Variants in GUSB observed in about 807,000 individuals in gnomAD.
GUSB encodes the protein glucuronidase beta.
A neutral mutation model predicts 74.6 loss-of-function variants in GUSB; 51 were observed. The ratio of observed to expected loss-of-function variants is 0.68; its 90% CI spans 0.55 to 0.86. The LOEUF is 0.86. Ranked by LOEUF, GUSB falls within the 40% of genes least tolerant of loss-of-function variation. The pLI is 0.00. For missense variants in GUSB, 736 were observed against 853.7 expected (o/e 0.86, Z 1.72); for synonymous variants, 360 against 348.3 (o/e 1.03, Z -0.37).
rs1204480020 is a variant in GUSB, at chr7:65,981,192, T to C, written c.210+782A>G. Among the ~76,000 whole-genome samples, 6 of 149,534 alleles carry C rather than the reference T, an allele frequency of 4.0e-5. No homozygotes were observed. In the East Asian group the frequency reaches 1.2e-3, roughly 29 times the overall value. On this transcript the variant is annotated intron_variant, in intron 1 of 11. Transcript: ENST00000304895. ...GTTCGAGACCACCCTGGGTAAATAG[T>C]GACACCCTGTATCTTTTTTTTTTTT... is the stretch of plus-strand genomic sequence containing the variant.
Position 65,968,113 on chromosome 7 carries a change from C to T in GUSB, c.1477-206G>A, listed in dbSNP as rs373733613. Among the ~76,000 whole-genome samples, 93 of 151,310 alleles carry T rather than the reference C, an allele frequency of 6.1e-4. 1 individual carries two copies. Among genetic ancestry groups the T allele is most frequent in the African/African-American group, 2.2e-3 (92 of 41,148 alleles). On this transcript the variant is annotated intron_variant, in intron 9 of 11. Coordinates refer to ENST00000304895, the MANE Select transcript of GUSB (RefSeq NM_000181.4). Reference sequence around the variant, plus strand: ...CAAAAAATAGTAGTAAGAAAATTAGCAGGGCACGGTGGCTCATGCCTGTAA... The same window carrying T: ...CAAAAAATAGTAGTAAGAAAATTAGTAGGGCACGGTGGCTCATGCCTGTAA...
At chr7:65,980,541 T>C in intron 1 of GUSB, 132 bp from the exon 2 acceptor site, 1 of 842,022 alleles carries the variant, frequency 1.2e-6, no homozygotes. Context: ...AAAGGACAGA[T>C]AACTTGCTGA....
chr7:65,976,953 G>C (rs1171310385), intron 4 of GUSB, among the ~76,000 whole-genome samples: 1 of 151,872 alleles, frequency 6.6e-6, no homozygotes, highest in Admixed American at 6.6e-5. Flanking sequence ...GCCAACCACG[G>C]CACTGAGACA....
intron 1 of GUSB, among the ~76,000 whole-genome samples, chr7:65,981,127 C>T (rs1435229290): frequency 6.6e-6 from 1 of 151,726 alleles, no homozygotes; most frequent in Admixed American, 6.6e-5. Context: ...GTAATCAGCG[C>T]TTTGGGAGGT....
At chr7:65,963,550 C>G (rs1410885777) in intron 11 of GUSB, among the ~76,000 whole-genome samples, 2 of 152,048 alleles carry the variant, frequency 1.3e-5, no homozygotes. Context: ...CTTTGAAGAC[C>G]AATCTTGTGT....
Position 65,980,534 on chromosome 7 carries a change from G to C in GUSB, c.211-125C>G, listed in dbSNP as rs947690365. 4.5e-6 allele frequency: 4 copies of C among 891,648 alleles called. No homozygotes were observed. In the East Asian group the frequency reaches 1.1e-4, roughly 24 times the overall value. 55.2% of individuals were successfully genotyped at this position (891,648 alleles called of 1,614,324 possible). On this transcript the variant is annotated intron_variant, in intron 1 of 11. Coordinates refer to ENST00000304895, the MANE Select transcript of GUSB (RefSeq NM_000181.4). ...ACATAGCGGGGATTCTTGGCAGAAA[G>C]GACAGATAACTTGCTGATGACAGGT...
In GUSB at chr7:65,980,140, A is replaced by G. The variant is rs1399737713; in HGVS notation, c.396+84T>C. On this transcript the variant is annotated intron_variant, in intron 2 of 11. Transcript: ENST00000304895. The stretch of plus-strand genomic sequence containing the variant: ...CCCCCACCATCCCACCCCAGCATAC[A>G]TGCCGTGGGTGGCAGCTGGAGGTCC... 3.8e-6 allele frequency: 5 copies of G among 1,326,166 alleles called. No homozygotes were observed. In the South Asian group the frequency reaches 3.8e-5, roughly 10 times the overall value. The allele number at this position is 1,326,166 out of a possible 1,614,324, so 82.1% of individuals were successfully genotyped here. A position where few individuals can be genotyped will look rare whatever the true frequency, so the allele number is the denominator to read the frequency against.
At chr7:65,974,729 C>A in intron 6 of GUSB, 25 bp from the exon 7 acceptor site, 1 of 1,611,368 alleles carries the variant, frequency 6.2e-7, no homozygotes, top group African/African-American at 1.3e-5. Context: ...AGCCAAGTGA[C>A]CCCTGTCCCT....
chr7:65,969,699 C>T (rs1425520657), intron 9 of GUSB, among the ~76,000 whole-genome samples: 1 of 151,974 alleles, frequency 6.6e-6, no homozygotes, highest in African/African-American at 2.4e-5. Context: ...CTTGCCTCTA[C>T]AAAAGAAAAA....
At chr7:65,980,184 T>TCCCCCCCCCCCCCC in intron 2 of GUSB, 40 bp downstream of exon 2, 6 of 720,098 alleles carry the variant, frequency 8.3e-6, no homozygotes, top group Admixed American at 2.1e-5. Flanking sequence ...TCAGCAGCCG[T>TCCCCCCCCCCCCCC]GCCCCCCCAC....
rs1189173802 is a variant in GUSB, at chr7:65,974,995, G to C, written c.989C>G (p.Ala330Gly). Residue 330 changes from alanine to glycine, a missense_variant, in exon 6 of 12, where the codon GCT (alanine) becomes GGT (glycine). By Grantham distance (60) the Ala-to-Gly change is moderately conservative. Around this residue, in one of 2 missense-constraint regions of GUSB, gnomAD observed 368 missense variants for 489.9 expected, o/e 0.75. Transcript: ENST00000304895. ...GATGAGGAACTGGCTCTTGGTGACA[G>C]CCACAGTGCGGATCCCCACAGGGAG... ...YTLPVGIRTV[A>G]VTKSQFLING... 6.2e-7 allele frequency: 1 copy of C among 1,613,006 alleles called. No individual in the cohort carries two copies. Among genetic ancestry groups the C allele is most frequent in the Non-Finnish European group, 8.5e-7 (1 of 1,179,096 alleles).
intron 8 of GUSB, among the ~76,000 whole-genome samples, chr7:65,972,179 AG>A (rs1408512509): frequency 1.3e-5 from 2 of 152,068 alleles, no homozygotes. Flanking sequence ...TGTTTTTTTG[AG>A]AGACAGAATC....
rs771138602 is a variant in GUSB at position 65,960,899 on chromosome 7, A to C, written c.1954T>G (p.Ter652GlyextTer70). ...SQCLENSLFT[*>G] ...CACGCAGGTGGTATCAGTCTTGCTC[A>C]AGTAAACAGGCTGTTTTCCAAACAT... Residue 652 changes from the stop codon to glycine (G), a stop_lost, in exon 12 of 12, where the codon TGA (stop) becomes GGA (glycine). Coordinates refer to ENST00000304895, the MANE Select transcript of GUSB (RefSeq NM_000181.4). 3.1e-6 allele frequency: 5 copies of C among 1,613,692 alleles called. No homozygotes were observed. The highest frequency in any genetic ancestry group is 4.2e-6 in the Non-Finnish European group (5 of 1,179,644).
Position 65,982,213 on chromosome 7 carries a change from T to C in GUSB, c.-30A>G. 2 of 1,482,962 alleles carry C rather than the reference T, an allele frequency of 1.3e-6. No homozygotes were observed. The highest frequency in any genetic ancestry group is 1.8e-6 in the Non-Finnish European group (2 of 1,114,300). 91.9% of individuals were successfully genotyped at this position (1,482,962 alleles called of 1,614,324 possible). On this transcript the variant is annotated 5_prime_UTR_variant, in exon 1 of 12. Coordinates refer to ENST00000304895, the MANE Select transcript of GUSB (RefSeq NM_000181.4). ...CCCGGTCCCCCGCTCGGCCACCGTC[T>C]GCGGCGCTAAGAAAAGCGCGGGAGG... is the stretch of plus-strand genomic sequence containing the variant.
Position 65,960,981 on chromosome 7 carries a change from C to G in GUSB, c.1872G>C (p.Glu624Asp). The G allele has an allele frequency of 6.2e-7, 1 of 1,613,714 alleles. No homozygotes were observed. Among genetic ancestry groups the G allele is most frequent in the Non-Finnish European group, 8.5e-7 (1 of 1,179,876 alleles). ...QPKSAAFLLR[E>D]RYWKIANETR... The stretch of plus-strand genomic sequence containing the variant: ...TTTCATTGGCAATCTTCCAGTATCT[C>G]TCTCGCAAAAGGAACGCTGCACTTT... The change falls in exon 12 of 12, where the codon GAG (glutamate) becomes GAC (aspartate). Residue 624 changes from glutamate (E) to aspartate (D), a missense_variant. By Grantham distance (45) the Glu-to-Asp change is conservative. Coordinates refer to ENST00000304895, the MANE Select transcript of GUSB (RefSeq NM_000181.4).
intron 5 of GUSB, chr7:65,975,404 T>C (rs1236681963): frequency 8.2e-6 from 3 of 367,466 alleles, no homozygotes; most frequent in East Asian, 6.8e-5. Flanking sequence ...GTTTTTCTTC[T>C]GAGACAGTCT....
chr7:65,981,592 G>A (rs113706592), intron 1 of GUSB, among the ~76,000 whole-genome samples: 2,818 of 151,760 alleles, frequency 0.019, 62 homozygotes, highest in East Asian at 0.089. Flanking sequence ...TTGCAAGGCT[G>A]GGGCGGGAGA....
At chr7:65,976,878 C>T (rs1158518723) in intron 4 of GUSB, among the ~76,000 whole-genome samples, 2 of 151,874 alleles carry the variant, frequency 1.3e-5, no homozygotes. Flanking sequence ...GAGTTCGGGG[C>T]TGCAGTGAGC....
At chr7:65,981,953 G>T in intron 1 of GUSB, 21 bp downstream of exon 1, 1 of 1,593,054 alleles carries the variant, frequency 6.3e-7, no homozygotes. Context: ...GGCGCCTCCC[G>T]GCCCTGCCCC....
Sources: gnomAD v4.1 joint callset for allele counts (sites outside exome capture counted in the v4.1 genomes callset) on GRCh38, gnomAD v4.1.1 for gene constraint, gnomAD v4.1.1 regional missense constraint, MANE v1.5 for transcripts, NCBI Gene and HGNC (gene_info 2026-07-23, HGNC 2026-07-21) for gene names.